The following APC variants were observed in gnomAD, a reference collection of about 807,000 sequenced individuals.
The protein encoded by APC is adenomatous polyposis coli protein.
A neutral mutation model predicts 247.0 loss-of-function variants in APC; 72 were observed. The observed-to-expected ratio is 0.29, with a 90% CI of 0.24 to 0.35. APC has a LOEUF of 0.35. Among genes scored for constraint, APC ranks in the 10% least tolerant of loss-of-function variants. The pLI is 1.00. For synonymous variants in APC, 1,254 were observed against 1,162.5 expected (o/e 1.08, Z -1.60); for missense variants, 3,400 against 3,360.7 (o/e 1.01, Z -0.29).
At chr5:112,828,418 G>A (rs529227059) in intron 13 of APC, among the ~76,000 whole-genome samples, 130 of 150,914 alleles carry the variant, frequency 8.6e-4, no homozygotes, top group Non-Finnish European at 9.6e-4. Context: ...TAGACTGTAG[G>A]AAATCTTTTT....
At position 112,838,064 on chromosome 5, in the gene APC, C is replaced by T. The variant is rs1482721999; in HGVS notation, c.2470C>T (p.Pro824Ser). 6.2e-7 allele frequency: 1 copy of T among 1,614,022 alleles called. No individual in the cohort carries two copies. The highest frequency in any genetic ancestry group is 1.3e-5 in the African/African-American group (1 of 74,924). Residue 824 changes from proline to serine, a missense_variant, in exon 16 of 16, where the codon CCA (proline) becomes TCA (serine). Transcript: ENST00000257430. Reference sequence around the variant, plus strand: ...TACTGGCAACATGACTGTCCTTTCACCATATTTGAATACTACAGTGTTACC... The same window carrying T: ...TACTGGCAACATGACTGTCCTTTCATCATATTTGAATACTACAGTGTTACC... ...FNTGNMTVLS[P>S]YLNTTVLPSS...
At chr5:112,814,667 G>A (rs150740496) in intron 8 of APC, among the ~76,000 whole-genome samples, 1 of 152,276 alleles carries the variant, frequency 6.6e-6, no homozygotes, top group African/African-American at 2.4e-5. Context: ...TCTCCGTGCT[G>A]TTTTTAAGAC....
intron 14 of APC, among the ~76,000 whole-genome samples, chr5:112,831,854 C>T (rs1022743418): frequency 2.0e-5 from 3 of 152,188 alleles, no homozygotes; most frequent in Non-Finnish European, 2.9e-5. Context: ...CCAGTAACAA[C>T]CAAAACCCTG....
chr5:112,774,153 A>G (rs1006830353), intron 4 of APC, among the ~76,000 whole-genome samples: 19 of 152,172 alleles, frequency 1.2e-4, no homozygotes, highest in Non-Finnish European at 1.5e-4. Flanking sequence ...CCCTCCAACT[A>G]AGAGTTGGTT....
At position 112,814,656 on chromosome 5, in the gene APC, CT is replaced by C. The variant is rs528036719; in HGVS notation, c.835-838del. Among the ~76,000 whole-genome samples, 668 of 152,320 alleles carry C rather than the reference CT, an allele frequency of 4.4e-3. 3 individuals carry two copies. Among genetic ancestry groups the C allele is most frequent in the Middle Eastern group, 0.01 (3 of 294 alleles). ...CTCTCCCTCATTTCCTACCTGTGAT[CT>C]CTCCGTGCTGTTTTTAAGACGTAAT... On this transcript the variant is annotated intron_variant, in intron 8 of 15. Transcript: ENST00000257430.
chr5:112,786,197 C>CT (rs1161381670), intron 6 of APC, among the ~76,000 whole-genome samples: 2 of 152,294 alleles, frequency 1.3e-5, no homozygotes, highest in Admixed American at 6.5e-5. Flanking sequence ...TCTAGCAACC[C>CT]TCCTTCCTCA....
At chr5:112,718,695 T>C (rs888977588) in intron 1 of APC, among the ~76,000 whole-genome samples, 2 of 152,242 alleles carry the variant, frequency 1.3e-5, no homozygotes, top group Non-Finnish European at 2.9e-5. Context: ...ATTTTGCTGG[T>C]TATTTGGTGC....
intron 8 of APC, 78 bp downstream of exon 8, chr5:112,801,461 G>C: frequency 1.8e-6 from 2 of 1,087,782 alleles, no homozygotes; most frequent in Non-Finnish European, 2.7e-6. Context: ...TTCTAAGAAT[G>C]ATCTATAAAT....
At chr5:112,815,235 G>A (rs111867194) in intron 8 of APC, among the ~76,000 whole-genome samples, 4 of 152,264 alleles carry the variant, frequency 2.6e-5, no homozygotes, top group African/African-American at 7.2e-5. Context: ...TACTACCCTA[G>A]AATTTCTTCA....
At position 112,840,693 on chromosome 5, in the gene APC, C is replaced by T. The variant is rs876660893; in HGVS notation, c.5099C>T (p.Ala1700Val). 6.2e-7 allele frequency: 1 copy of T among 1,613,980 alleles called. No individual in the cohort carries two copies. ...ACAGAAGGCAGAAGTACAGATGAGG[C>T]TCAAGGAGGAAAAACCTCATCTGTA... The part of the protein sequence containing the change: ...IPTEGRSTDE[A>V]QGGKTSSVTI... Residue 1700 changes from alanine (A) to valine (V), a missense_variant, in exon 16 of 16, where the codon GCT becomes GTT. Physicochemically the swap from Ala to Val is moderately conservative, Grantham distance 64 (BLOSUM62 0). This residue lies in a region of APC where 1,788 missense variants were observed against 1,649.5 expected (regional missense o/e 1.08). Transcript: ENST00000257430. This position sits in a 1 kb window ranked among gnomAD's most constrained non-coding sequence, Gnocchi z 4.1.
At position 112,841,228 on chromosome 5, in the gene APC, G is replaced by A. The variant is rs1580662013; in HGVS notation, c.5634G>A (p.Lys1878=). The change falls in exon 16 of 16, where the codon AAG becomes AAA. Residue 1878 remains lysine (K), a synonymous_variant. Transcript: ENST00000257430. This position sits in a 1 kb window ranked among gnomAD's most constrained non-coding sequence, Gnocchi z 4.6. ...DDDDVDLSRE[K]AELRKAKENK... Reference sequence around the variant, plus strand: ...ATGATGTTGACCTTTCCAGGGAAAAGGCTGAATTAAGAAAGGCAAAAGAAA... The same window carrying A: ...ATGATGTTGACCTTTCCAGGGAAAAAGCTGAATTAAGAAAGGCAAAAGAAA... The A allele has an allele frequency of 2.5e-6, 4 of 1,613,888 alleles. No homozygotes were observed. Among genetic ancestry groups the A allele is most frequent in the Non-Finnish European group, 3.4e-6 (4 of 1,179,832 alleles).
chr5:112,743,681 T>C (rs923588057), intron 1 of APC, among the ~76,000 whole-genome samples: 4 of 152,192 alleles, frequency 2.6e-5, no homozygotes, highest in Non-Finnish European at 5.9e-5. Context: ...CACAGCCTTA[T>C]TAAATTTCTC....
intron 8 of APC, among the ~76,000 whole-genome samples, chr5:112,812,568 A>G (rs2149751428): frequency 6.6e-6 from 1 of 152,288 alleles, no homozygotes; most frequent in South Asian, 2.1e-4. Context: ...CCTGTGGCTA[A>G]TCCCCCTCAT....
rs771159136 is a variant in APC, at chr5:112,839,343, A to T, written c.3749A>T (p.Lys1250Ile). Residue 1250 changes from lysine (K) to isoleucine (I), a missense_variant, in exon 16 of 16, where the codon AAA becomes ATA. Lys to Ile is a moderately radical substitution (Grantham distance 102). Transcript: ENST00000257430. The surrounding 1 kb of genome is among the most constrained non-coding windows in gnomAD (Gnocchi z 5.0). Reference protein sequence around the residue: ...SGQPQKAATCKVSSINQETIQ... With the variant: ...SGQPQKAATCIVSSINQETIQ... ...CAGCCTCAAAAGGCTGCCACTTGCA[A>T]AGTTTCTTCTATTAACCAAGAAACA... 6.2e-7 allele frequency: 1 copy of T among 1,613,128 alleles called. No individual in the cohort carries two copies. Among genetic ancestry groups the T allele is most frequent in the Non-Finnish European group, 8.5e-7 (1 of 1,179,530 alleles).
intron 4 of APC, among the ~76,000 whole-genome samples, chr5:112,769,061 TTTTTTTTTTG>T (rs1442161311): frequency 1.4e-5 from 2 of 142,590 alleles, no homozygotes; most frequent in African/African-American, 5.4e-5. Context: ...TTTTTTTTTT[TTTTTTTTTTG>T]AGATAAGAGT....
intron 1 of APC, among the ~76,000 whole-genome samples, chr5:112,746,599 C>T (rs1049079374): frequency 2.6e-5 from 4 of 151,922 alleles, no homozygotes; most frequent in South Asian, 2.1e-4. Flanking sequence ...AAAAGAGAAA[C>T]GATATGATTA....
In APC at chr5:112,843,438, T is replaced by C. The variant is rs1317953419; in HGVS notation, c.7844T>C (p.Ile2615Thr). The change falls in exon 16 of 16, where the codon ATA (isoleucine) becomes ACA (threonine). Residue 2615 changes from isoleucine (I) to threonine (T), a missense_variant. This residue lies in a region of APC where 1,788 missense variants were observed against 1,649.5 expected (regional missense o/e 1.08). Coordinates refer to ENST00000257430, the MANE Select transcript of APC (RefSeq NM_000038.6). This position sits in a 1 kb window ranked among gnomAD's most constrained non-coding sequence, Gnocchi z 4.8. ...QVSAKGTWRK[I>T]KENEFSPTNS... ...TCCGCAAAAGGAACATGGAGAAAAA[T>C]AAAAGAAAATGAATTTTCTCCCACA... is the stretch of plus-strand genomic sequence containing the variant. 1.9e-6 allele frequency: 3 copies of C among 1,613,366 alleles called. No individual in the cohort carries two copies. Among genetic ancestry groups the C allele is most frequent in the Non-Finnish European group, 2.5e-6 (3 of 1,179,604 alleles).
chr5:112,824,480 C>T (rs572496173), intron 11 of APC, among the ~76,000 whole-genome samples: 1 of 152,254 alleles, frequency 6.6e-6, no homozygotes, highest in South Asian at 2.1e-4. Context: ...CCATGTTCTT[C>T]CTGAATCTGT....
chr5:112,791,310 A>G (rs1451941146), intron 6 of APC, among the ~76,000 whole-genome samples: 1 of 152,196 alleles, frequency 6.6e-6, no homozygotes, highest in Non-Finnish European at 1.5e-5. Context: ...AGAAAAAATA[A>G]TGTTTAGCCA....
Sources: allele counts gnomAD v4.1 joint callset (sites outside exome capture counted in the v4.1 genomes callset), GRCh38; gene constraint gnomAD v4.1.1; regional missense constraint gnomAD v4.1.1; non-coding constraint Gnocchi (gnomAD v3.1); transcripts MANE v1.5; gene names NCBI Gene and HGNC (gene_info 2026-07-23, HGNC 2026-07-21).